The following PEA15 variants were observed in gnomAD, a reference collection of about 807,000 sequenced individuals.
The protein encoded by PEA15 is astrocytic phosphoprotein PEA-15.
For synonymous variants in PEA15, 60 were observed against 61.8 expected, an observed-to-expected ratio of 0.97 and a Z score of 0.13; for missense variants, 77 against 161.3, an observed-to-expected ratio of 0.48 and a Z score of 2.83.
In PEA15 at chr1:160,208,313, C is replaced by G; in HGVS notation, c.-3+2791C>G. On this transcript the variant is annotated intron_variant, in intron 1 of 3. Coordinates refer to ENST00000360472, the MANE Select transcript of PEA15 (RefSeq NM_003768.5). This position sits in a 1 kb window ranked among gnomAD's most constrained non-coding sequence, Gnocchi z 4.1. ...GGTTTGACCTTTGTCAGGGCTGTGC[C>G]TGGGGCCAGCTTGGAAGGAGAGGGA... The G allele has an allele frequency of 2.3e-6, 1 of 440,824 alleles. No individual in the cohort carries two copies. Among genetic ancestry groups the G allele is most frequent in the Non-Finnish European group, 4.2e-6 (1 of 238,658 alleles). 27.3% of individuals were successfully genotyped at this position (440,824 alleles called of 1,614,324 possible).
chr1:160,213,694 T>TG lies in PEA15; in HGVS notation c.*213dup. On this transcript the variant is annotated 3_prime_UTR_variant, in exon 4 of 4. Transcript: ENST00000360472. The surrounding 1 kb of genome is among the most constrained non-coding windows in gnomAD (Gnocchi z 5.3). Reference sequence around the variant, plus strand: ...CATCTAGTTCCTCTTCTTAAGGGGATGGGGGTCAGGGGCTAGGGGAGGGGG... The same window carrying TG: ...CATCTAGTTCCTCTTCTTAAGGGGATGGGGGGTCAGGGGCTAGGGGAGGGGG... The TG allele has an allele frequency of 5.4e-6, 1 of 185,652 alleles. No individual in the cohort carries two copies. Among genetic ancestry groups the TG allele is most frequent in the Non-Finnish European group, 1.0e-5 (1 of 96,870 alleles). The allele number at this position is 185,652 out of a possible 1,614,324, so 11.5% of individuals were successfully genotyped here.
intron 1 of PEA15, among the ~76,000 whole-genome samples, chr1:160,206,836 T>C (rs757642060): frequency 3.3e-5 from 5 of 152,180 alleles, no homozygotes; most frequent in Admixed American, 6.5e-5. Context: ...GGCCCCAGGC[T>C]GTCAGAGCGA....
Position 160,211,712 on chromosome 1 carries a change from C to T in PEA15, c.168C>T (p.Asp56=), listed in dbSNP as rs1218132376. ...FSFLESHNKL[D]KDNLSYIEHI... is the part of the protein sequence containing the mutation. ...TCCTGGAGAGCCACAACAAGCTGGA[C>T]AAAGGTGGGGGAGGGGAGCACAGGG... is the stretch of plus-strand genomic sequence containing the variant. Residue 56 remains aspartate (D), a synonymous_variant, in exon 2 of 4, where the codon GAC becomes GAT. Coordinates refer to ENST00000360472, the MANE Select transcript of PEA15 (RefSeq NM_003768.5). The T allele has an allele frequency of 1.2e-6, 2 of 1,612,242 alleles. No homozygotes were observed. Among genetic ancestry groups the T allele is most frequent in the East Asian group, 4.5e-5 (2 of 44,844 alleles).
chr1:160,208,953 A>G lies in PEA15; in HGVS notation c.-2-2590A>G, dbSNP rs909113134. 6.4e-5 allele frequency: 28 copies of G among 436,052 alleles called. 1 individual carries two copies. The South Asian group carries it at 8.2e-4, about 13-fold the overall frequency. The allele number at this position is 436,052 out of a possible 1,614,324, so 27.0% of individuals were successfully genotyped here. On this transcript the variant is annotated intron_variant, in intron 1 of 3. Coordinates refer to ENST00000360472, the MANE Select transcript of PEA15 (RefSeq NM_003768.5). This position sits in a 1 kb window ranked among gnomAD's most constrained non-coding sequence, Gnocchi z 4.1. Reference sequence around the variant, plus strand: ...AGATGAGATGAGGCTACAGCCTTCTATAGTTGTGGACTGTATGCTCTCCTC... The same window carrying G: ...AGATGAGATGAGGCTACAGCCTTCTGTAGTTGTGGACTGTATGCTCTCCTC...
rs1654681538 is a variant in PEA15 at position 160,208,106 on chromosome 1, A to G, written c.-3+2584A>G. 6.6e-6 allele frequency among the ~76,000 whole-genome samples: 1 copy of G among 152,236 alleles called. No homozygotes were observed. Among genetic ancestry groups the G allele is most frequent in the Non-Finnish European group, 1.5e-5 (1 of 68,038 alleles). The stretch of plus-strand genomic sequence containing the variant: ...CACGACTTAATGTCAAAATGCACAG[A>G]AATTCTTTTGGTGCTGCCACCTCCT... On this transcript the variant is annotated intron_variant, in intron 1 of 3. Coordinates refer to ENST00000360472, the MANE Select transcript of PEA15 (RefSeq NM_003768.5). This position sits in a 1 kb window ranked among gnomAD's most constrained non-coding sequence, Gnocchi z 4.1.
intron 2 of PEA15, among the ~76,000 whole-genome samples, chr1:160,212,635 T>C (rs1359158377): frequency 4.6e-5 from 7 of 152,118 alleles, no homozygotes; most frequent in African/African-American, 1.7e-4. Context: ...GTGGTGTCCA[T>C]ACCTTCTCTC....
chr1:160,206,548 G>C (rs916285711), intron 1 of PEA15, among the ~76,000 whole-genome samples: 1 of 152,170 alleles, frequency 6.6e-6, no homozygotes, highest in Non-Finnish European at 1.5e-5. Context: ...AGGGATGGAG[G>C]AGGAGGGGGT....
At chr1:160,206,846 A>G (rs1557820034) in intron 1 of PEA15, among the ~76,000 whole-genome samples, 1 of 152,186 alleles carries the variant, frequency 6.6e-6, no homozygotes, top group Non-Finnish European at 1.5e-5. Flanking sequence ...TGTCAGAGCG[A>G]TTAGCTTTAA....
At chr1:160,211,358 C>G (rs532986249) in intron 1 of PEA15, 185 bp from the exon 2 acceptor site, 1 of 1,292,760 alleles carries the variant, frequency 7.7e-7, no homozygotes, top group Non-Finnish European at 9.9e-7. Flanking sequence ...CCTAGCTTCC[C>G]GTCTACCCTG....
chr1:160,208,867 A>G lies in PEA15; in HGVS notation c.-2-2676A>G. The G allele has an allele frequency of 2.0e-6, 1 of 495,786 alleles. No individual in the cohort carries two copies. The highest frequency in any genetic ancestry group is 3.7e-6 in the Non-Finnish European group (1 of 273,090). The allele number at this position is 495,786 out of a possible 1,614,324, so 30.7% of individuals were successfully genotyped here. On this transcript the variant is annotated intron_variant, in intron 1 of 3. Coordinates refer to ENST00000360472, the MANE Select transcript of PEA15 (RefSeq NM_003768.5). This position sits in a 1 kb window ranked among gnomAD's most constrained non-coding sequence, Gnocchi z 4.1. ...ACCATTCCCTACACTCCTCCCATCT[A>G]GTGGTGTCATCCTAACGACTGGGGG...
chr1:160,211,691 G>A lies in PEA15; in HGVS notation c.147G>A (p.Leu49=). ...CTGGCAGTGCCTGGTTTAGCTTCCTGGAGAGCCACAACAAGCTGGACAAAG... is the reference window on the plus strand; with the variant it reads ...CTGGCAGTGCCTGGTTTAGCTTCCTAGAGAGCCACAACAAGCTGGACAAAG... The part of the protein sequence containing the change: ...ITTGSAWFSF[L]ESHNKLDKDN... Residue 49 remains leucine, a synonymous_variant, in exon 2 of 4, where the codon CTG becomes CTA. Transcript: ENST00000360472. 1.2e-6 allele frequency: 2 copies of A among 1,613,886 alleles called. No homozygotes were observed. Among genetic ancestry groups the A allele is most frequent in the Non-Finnish European group, 1.7e-6 (2 of 1,179,864 alleles).
chr1:160,213,415 C>T lies in PEA15; in HGVS notation c.329-7C>T, dbSNP rs750583012. The T allele has an allele frequency of 6.2e-7, 1 of 1,613,744 alleles. No homozygotes were observed. Among genetic ancestry groups the T allele is most frequent in the Admixed American group, 1.7e-5 (1 of 59,918 alleles). ...CTGTCCCTGGACACATACCTTTTTG[C>T]CCCCAGACATTATCCGGCAGCCCTC... On this transcript the variant is annotated splice_region_variant and splice_polypyrimidine_tract_variant and intron_variant, in intron 3 of 3. Coordinates refer to ENST00000360472, the MANE Select transcript of PEA15 (RefSeq NM_003768.5). This position sits in a 1 kb window ranked among gnomAD's most constrained non-coding sequence, Gnocchi z 5.3.
At position 160,213,617 on chromosome 1, in the gene PEA15, C is replaced by T. The variant is rs1049198; in HGVS notation, c.*131C>T. ...ACCTGGTCCTAACCCCCTTACTGTG[C>T]GCGTGTGTGTGCGTGTGCGCACGCT... On this transcript the variant is annotated 3_prime_UTR_variant, in exon 4 of 4. Coordinates refer to ENST00000360472, the MANE Select transcript of PEA15 (RefSeq NM_003768.5). This position sits in a 1 kb window ranked among gnomAD's most constrained non-coding sequence, Gnocchi z 5.3. The T allele has an allele frequency of 0.014, 7,595 of 540,314 alleles. 68 individuals carry two copies. The highest frequency in any genetic ancestry group is 0.02 in the Non-Finnish European group (6,166 of 305,198). The allele number at this position is 540,314 out of a possible 1,614,324, so 33.5% of individuals were successfully genotyped here.
Position 160,213,023 on chromosome 1 carries a change from G to T in PEA15, c.173-87G>T. On this transcript the variant is annotated intron_variant, in intron 2 of 3. Transcript: ENST00000360472. The surrounding 1 kb of genome is among the most constrained non-coding windows in gnomAD (Gnocchi z 5.3). ...TCCCATAACCAATGTCAGCAACTCA[G>T]CTTTGGTTCCAGGTCACTAGTCTGG... 7.3e-7 allele frequency: 1 copy of T among 1,371,894 alleles called. No individual in the cohort carries two copies. Among genetic ancestry groups the T allele is most frequent in the South Asian group, 1.2e-5 (1 of 82,936 alleles). The allele number at this position is 1,371,894 out of a possible 1,614,324, so 85.0% of individuals were successfully genotyped here.
At chr1:160,210,776 C>T (rs1052224768) in intron 1 of PEA15, among the ~76,000 whole-genome samples, 18 of 152,116 alleles carry the variant, frequency 1.2e-4, no homozygotes, top group Non-Finnish European at 2.6e-4. Context: ...TTCTTGGGCA[C>T]GGGGGCTGCA....
chr1:160,210,639 TGATAC>T (rs1439046569), intron 1 of PEA15, among the ~76,000 whole-genome samples: 2 of 152,332 alleles, frequency 1.3e-5, no homozygotes, highest in Middle Eastern at 6.8e-3. Context: ...AGTAGGATGT[TGATAC>T]GATACGAGAA....
In PEA15 at chr1:160,208,032, C is replaced by T. The variant is rs1445853259; in HGVS notation, c.-3+2510C>T. Among the ~76,000 whole-genome samples, 1 of 152,232 alleles carries T rather than the reference C, an allele frequency of 6.6e-6. No individual in the cohort carries two copies. The highest frequency in any genetic ancestry group is 1.5e-5 in the Non-Finnish European group (1 of 68,048). ...CAACTCTTAATCTTCAGGCTTCCTTCTCGAATTTACAGAGGATTTGGAACC... is the reference window on the plus strand; with the variant it reads ...CAACTCTTAATCTTCAGGCTTCCTTTTCGAATTTACAGAGGATTTGGAACC... On this transcript the variant is annotated intron_variant, in intron 1 of 3. Coordinates refer to ENST00000360472, the MANE Select transcript of PEA15 (RefSeq NM_003768.5). The surrounding 1 kb of genome is among the most constrained non-coding windows in gnomAD (Gnocchi z 4.1).
In PEA15 at chr1:160,213,313, G is replaced by A. The variant is rs768588606; in HGVS notation, c.328+48G>A. 2 of 1,613,742 alleles carry A rather than the reference G, an allele frequency of 1.2e-6. No homozygotes were observed. The highest frequency in any genetic ancestry group is 1.7e-6 in the Non-Finnish European group (2 of 1,179,690). Reference sequence around the variant, plus strand: ...AGCTGCACCTCTGCCTCGTCCCGTTGACTATCCTTGGAGTACTTGAGTTTT... The same window carrying A: ...AGCTGCACCTCTGCCTCGTCCCGTTAACTATCCTTGGAGTACTTGAGTTTT... On this transcript the variant is annotated intron_variant, in intron 3 of 3. Transcript: ENST00000360472. The surrounding 1 kb of genome is among the most constrained non-coding windows in gnomAD (Gnocchi z 5.3).
Position 160,211,535 on chromosome 1 carries a change from A to T in PEA15, c.-2-8A>T. The T allele has an allele frequency of 6.2e-7, 1 of 1,603,388 alleles. No homozygotes were observed. The highest frequency in any genetic ancestry group is 8.5e-7 in the Non-Finnish European group (1 of 1,172,308). On this transcript the variant is annotated splice_region_variant and splice_polypyrimidine_tract_variant and intron_variant, in intron 1 of 3. Coordinates refer to ENST00000360472, the MANE Select transcript of PEA15 (RefSeq NM_003768.5). ...AACTCCTATCCCTTTGTCGCCTCCC[A>T]ACCCCAGTCATGGCTGAGTACGGGA...
Sources: gnomAD v4.1 joint callset for allele counts (sites outside exome capture counted in the v4.1 genomes callset) on GRCh38, gnomAD v4.1.1 for gene constraint, Gnocchi (gnomAD v3.1) non-coding constraint, MANE v1.5 for transcripts, NCBI Gene and HGNC (gene_info 2026-07-23, HGNC 2026-07-21) for gene names.